DLG2: variants seen among roughly 807,000 people sequenced by gnomAD.
DLG2 encodes the protein disks large homolog 2.
In DLG2, 45 loss-of-function variants were observed where a neutral mutation model predicts 132.5. The ratio of observed to expected loss-of-function variants is 0.34; its 90% CI spans 0.27 to 0.44. DLG2 has a LOEUF of 0.44. Ranked by LOEUF, DLG2 falls within the 20% of genes least tolerant of loss-of-function variation. The pLI, the probability that DLG2 is intolerant of heterozygous loss-of-function variation, is 1.00. For missense variants in DLG2, 1,045 were observed against 1,196.9 expected, an observed-to-expected ratio of 0.87 and a Z score of 1.87; for synonymous variants, 424 against 419.6, an observed-to-expected ratio of 1.01 and a Z score of -0.13.
At chr11:83,499,895 A>ATATATATATCTATCTATCTATC (rs1296866569) in intron 21 of DLG2, among the ~76,000 whole-genome samples, 2 of 114,550 alleles carry the variant, frequency 1.7e-5, no homozygotes, top group African/African-American at 6.9e-5. Context: ...ATATATATAT[A>ATATATATATCTATCTATCTATC]TATCAGTTCT....
At chr11:84,599,506 G>A (rs2099570873) in intron 6 of DLG2, among the ~76,000 whole-genome samples, 2 of 152,192 alleles carry the variant, frequency 1.3e-5, no homozygotes, top group South Asian at 2.1e-4. Flanking sequence ...ACTCATCTAG[G>A]ACTTACTCTT....
At chr11:83,986,027 AC>A (rs1055352982) in intron 11 of DLG2, among the ~76,000 whole-genome samples, 2 of 150,850 alleles carry the variant, frequency 1.3e-5, no homozygotes, top group African/African-American at 4.9e-5. Flanking sequence ...TGTTTTTTTG[AC>A]TTTTTTTTTA....
intron 6 of DLG2, among the ~76,000 whole-genome samples, chr11:84,547,743 T>C (rs1179920902): frequency 6.6e-6 from 1 of 152,154 alleles, no homozygotes; most frequent in Non-Finnish European, 1.5e-5. Flanking sequence ...TGTATGTCTC[T>C]GCCATTCTCA....
At chr11:84,843,522 G>T (rs564784032) in intron 6 of DLG2, among the ~76,000 whole-genome samples, 2 of 151,918 alleles carry the variant, frequency 1.3e-5, no homozygotes, top group East Asian at 3.9e-4. Flanking sequence ...TTGTATAATA[G>T]GGAGAGATAT....
rs529593086 is a variant in DLG2 at position 85,296,011 on chromosome 11, A to G, written c.41-10646T>C. Reference sequence around the variant, plus strand: ...AAAGAGGATGCTACAAATTGACTCTATTGGCCTCTCAGATTTGCTTTTTAC... The same window carrying G: ...AAAGAGGATGCTACAAATTGACTCTGTTGGCCTCTCAGATTTGCTTTTTAC... On this transcript the variant is annotated intron_variant, in intron 3 of 27. Transcript: ENST00000376104. 5.3e-5 allele frequency among the ~76,000 whole-genome samples: 8 copies of G among 152,298 alleles called. No homozygotes were observed. In the South Asian group the frequency reaches 8.3e-4, roughly 16 times the overall value.
At chr11:84,690,944 G>T (rs1595838086) in intron 6 of DLG2, among the ~76,000 whole-genome samples, 1 of 151,744 alleles carries the variant, frequency 6.6e-6, no homozygotes, top group South Asian at 2.1e-4. Context: ...CTCCATATAA[G>T]AATTCTTATA....
intron 6 of DLG2, among the ~76,000 whole-genome samples, chr11:84,556,530 A>T (rs2099412278): frequency 6.6e-6 from 1 of 152,190 alleles, no homozygotes; most frequent in Non-Finnish European, 1.5e-5. Context: ...GCTAAAAATA[A>T]ATAAATAAAT....
At chr11:83,628,738 A>G (rs17545474) in intron 19 of DLG2, among the ~76,000 whole-genome samples, 31,668 of 152,060 alleles carry the variant, frequency 0.21, 3,399 homozygotes, top group Non-Finnish European at 0.21. Flanking sequence ...TATGTTTAAT[A>G]TAAGGTAGTA....
chr11:85,039,533 T>A (rs2061676206), intron 6 of DLG2, among the ~76,000 whole-genome samples: 1 of 151,938 alleles, frequency 6.6e-6, no homozygotes, highest in Admixed American at 6.6e-5. Flanking sequence ...ACAAGGAGGA[T>A]ATTAATAACA....
chr11:83,895,764 C>T (rs1193488701), intron 15 of DLG2, among the ~76,000 whole-genome samples: 1 of 152,212 alleles, frequency 6.6e-6, no homozygotes, highest in Non-Finnish European at 1.5e-5. Context: ...GTTTCCACAG[C>T]ACCCAGGCAT....
intron 7 of DLG2, among the ~76,000 whole-genome samples, chr11:84,385,876 T>C (rs556505515): frequency 6.6e-6 from 1 of 152,094 alleles, no homozygotes; most frequent in African/African-American, 2.4e-5. Flanking sequence ...GAAATTGCTA[T>C]AGAAGCTCAA....
intron 8 of DLG2, among the ~76,000 whole-genome samples, chr11:84,234,771 G>C (rs939251486): frequency 6.6e-6 from 1 of 152,184 alleles, no homozygotes; most frequent in African/African-American, 2.4e-5. Context: ...ATACCAACAT[G>C]ACAGAGAGCA....
intron 25 of DLG2, among the ~76,000 whole-genome samples, chr11:83,467,810 T>TATATATATATATATACACAC (rs1414160515): frequency 1.0e-5 from 1 of 96,310 alleles, no homozygotes; most frequent in Non-Finnish European, 2.0e-5. Flanking sequence ...TATATATATA[T>TATATATATATATATACACAC]ACACACACAC....
At chr11:84,922,626 A>G (rs1367596544) in intron 6 of DLG2, among the ~76,000 whole-genome samples, 1 of 152,174 alleles carries the variant, frequency 6.6e-6, no homozygotes, top group Non-Finnish European at 1.5e-5. Flanking sequence ...TATCCCACAG[A>G]GCACATCTAA....
intron 8 of DLG2, among the ~76,000 whole-genome samples, chr11:84,189,910 C>T (rs1243987185): frequency 6.6e-6 from 1 of 151,364 alleles, no homozygotes; most frequent in African/African-American, 2.4e-5. Flanking sequence ...ATCTGTGCAA[C>T]AAACCACCAT....
At chr11:85,245,785 T>C (rs780546052) in intron 4 of DLG2, among the ~76,000 whole-genome samples, 2 of 151,962 alleles carry the variant, frequency 1.3e-5, no homozygotes, top group Non-Finnish European at 2.9e-5. Context: ...CTATACTTAA[T>C]ACACTCCTTC....
intron 7 of DLG2, among the ~76,000 whole-genome samples, chr11:84,359,748 A>G (rs2154419442): frequency 6.6e-6 from 1 of 151,120 alleles, no homozygotes; most frequent in Non-Finnish European, 1.5e-5. Context: ...TTTCTTCTTA[A>G]GCATATTAGA....
intron 4 of DLG2, among the ~76,000 whole-genome samples, chr11:85,282,799 C>T (rs939009573): frequency 1.3e-5 from 2 of 151,908 alleles, no homozygotes; most frequent in African/African-American, 2.4e-5. Context: ...ATGTTCATTG[C>T]AGCACTATTC....
At chr11:83,862,678 G>T (rs187273042) in intron 16 of DLG2, among the ~76,000 whole-genome samples, 1 of 152,050 alleles carries the variant, frequency 6.6e-6, no homozygotes, top group Admixed American at 6.6e-5. Context: ...AAAAAGAGTG[G>T]TGGCAGCAGC....
Sources: allele counts gnomAD v4.1 joint callset (sites outside exome capture counted in the v4.1 genomes callset), GRCh38; gene constraint gnomAD v4.1.1; transcripts MANE v1.5; gene names NCBI Gene and HGNC (gene_info 2026-07-23, HGNC 2026-07-21).